DCAF1: variants seen among roughly 807,000 people sequenced by gnomAD.
DCAF1 encodes DDB1 and CUL4 associated factor 1.
A neutral mutation model predicts 128.0 loss-of-function variants in DCAF1; 15 were observed. The observed-to-expected ratio is 0.12, with a 90% confidence interval of 0.08 to 0.18. The LOEUF is 0.18. DCAF1 is among the 10% of genes least tolerant of loss of function. DCAF1 has a pLI of 1.00. For missense variants in DCAF1, 988 were observed against 1,649.5 expected (o/e 0.60, Z 6.95); for synonymous variants, 610 against 603.0 (o/e 1.01, Z -0.17).
rs934948916 is a variant in DCAF1, at chr3:51,486,965, C to A, written c.-8-3129G>T. Among the ~76,000 whole-genome samples, 4 of 143,372 alleles carry A rather than the reference C, an allele frequency of 2.8e-5. No homozygotes were observed. The East Asian group carries it at 6.5e-4, about 23-fold the overall frequency. 94.1% of individuals were successfully genotyped at this position (143,372 alleles called of 152,430 possible). A position where few individuals can be genotyped will look rare whatever the true frequency, so the allele number is the denominator to read the frequency against. ...TATATTTTTAAAACAAACTTTTTTT[C>A]TTTTCTTTTCTTTTTTTTTTTAAGA... On this transcript the variant is annotated intron_variant, in intron 2 of 24. Transcript: ENST00000684031.
At chr3:51,402,489 C>T (rs1330076481) in intron 24 of DCAF1, among the ~76,000 whole-genome samples, 1 of 150,768 alleles carries the variant, frequency 6.6e-6, no homozygotes, top group Non-Finnish European at 1.5e-5. Context: ...CATTCATTTA[C>T]GGATTGTCTA....
intron 15 of DCAF1, 84 bp downstream of exon 15, chr3:51,419,650 G>A: frequency 6.6e-7 from 1 of 1,511,586 alleles, no homozygotes; most frequent in Non-Finnish European, 8.8e-7. Flanking sequence ...GGTATTTCAG[G>A]ACAACTATGC....
At position 51,466,892 on chromosome 3, in the gene DCAF1, G is replaced by T; in HGVS notation, c.188-16C>A. 1.2e-6 allele frequency: 2 copies of T among 1,612,880 alleles called. No homozygotes were observed. Among genetic ancestry groups the T allele is most frequent in the Non-Finnish European group, 1.7e-6 (2 of 1,179,168 alleles). ...TCAGCTCGACCTACCAAGAGAAGAG[G>T]GGAGGAACAAACAAAGGAATGAGTA... On this transcript the variant is annotated splice_polypyrimidine_tract_variant and intron_variant, in intron 4 of 24. Coordinates refer to ENST00000684031, the MANE Select transcript of DCAF1 (RefSeq NM_001387579.1).
chr3:51,406,849 G>A (rs1395667563), intron 23 of DCAF1, among the ~76,000 whole-genome samples: 1 of 152,146 alleles, frequency 6.6e-6, no homozygotes, highest in Non-Finnish European at 1.5e-5. Context: ...AAGAGGTTCA[G>A]TTCTCCCAAA....
At chr3:51,463,971 CAGCCTCCCAAGT>C (rs1703876438) in intron 5 of DCAF1, among the ~76,000 whole-genome samples, 1 of 152,102 alleles carries the variant, frequency 6.6e-6, no homozygotes, top group African/African-American at 2.4e-5. Context: ...CCTCCAGCTT[CAGCCTCCCAAGT>C]AGCTGGGACC....
At chr3:51,468,792 T>G (rs563413515) in intron 4 of DCAF1, among the ~76,000 whole-genome samples, 2 of 152,328 alleles carry the variant, frequency 1.3e-5, no homozygotes, top group East Asian at 1.9e-4. Context: ...AGGAAAAAAT[T>G]GCTTTGTAAG....
At chr3:51,471,941 C>T (rs1181447566) in intron 3 of DCAF1, among the ~76,000 whole-genome samples, 4 of 152,108 alleles carry the variant, frequency 2.6e-5, no homozygotes, top group African/African-American at 7.2e-5. Flanking sequence ...AAGGTACTTC[C>T]TGACTCACAT....
At chr3:51,451,048 G>C (rs889583330) in intron 6 of DCAF1, among the ~76,000 whole-genome samples, 1 of 94,830 alleles carries the variant, frequency 1.1e-5, no homozygotes, top group South Asian at 4.0e-4. Context: ...CACTAGCAAT[G>C]AACAATATAA....
At chr3:51,476,572 CAAAAAAAAAAA>C (rs11359977) in intron 3 of DCAF1, among the ~76,000 whole-genome samples, 2 of 49,636 alleles carry the variant, frequency 4.0e-5, no homozygotes, top group Non-Finnish European at 7.3e-5. Context: ...AATTATATCT[CAAAAAAAAAAA>C]AAAAAAAAAA....
chr3:51,424,755 G>GA (rs1334188916), intron 13 of DCAF1, among the ~76,000 whole-genome samples: 9 of 152,104 alleles, frequency 5.9e-5, no homozygotes, highest in Non-Finnish European at 1.2e-4. Context: ...ATGAACTTAG[G>GA]AAAATATTTA....
rs1347303502 is a variant in DCAF1 at position 51,441,841 on chromosome 3, C to A, written c.570G>T (p.Arg190=). The A allele has an allele frequency of 6.2e-7, 1 of 1,612,966 alleles. No individual in the cohort carries two copies. Among genetic ancestry groups the A allele is most frequent in the African/African-American group, 1.3e-5 (1 of 74,916 alleles). ...RELQLQEVAL[R]QENKRPSPRK... Reference sequence around the variant, plus strand: ...GTGGACTGGGACGCTTGTTTTCCTGCCGCAAAGCCACTTCCTGTAGCTGTA... The same window carrying A: ...GTGGACTGGGACGCTTGTTTTCCTGACGCAAAGCCACTTCCTGTAGCTGTA... The change falls in exon 8 of 25, where the codon CGG becomes CGT. Residue 190 remains arginine (R), a synonymous_variant. Transcript: ENST00000684031.
intron 2 of DCAF1, among the ~76,000 whole-genome samples, chr3:51,493,551 G>C (rs1553659256): frequency 6.6e-6 from 1 of 152,092 alleles, no homozygotes; most frequent in Non-Finnish European, 1.5e-5. Context: ...TCCATCATCA[G>C]ATGAAGAGAT....
intron 3 of DCAF1, among the ~76,000 whole-genome samples, chr3:51,480,280 T>C (rs1238539861): frequency 4.0e-5 from 6 of 151,884 alleles, no homozygotes; most frequent in Non-Finnish European, 7.4e-5. Context: ...ATACCAAGTG[T>C]AAAGGCACAA....
chr3:51,481,101 C>T (rs1706136727), intron 3 of DCAF1, among the ~76,000 whole-genome samples: 1 of 152,110 alleles, frequency 6.6e-6, no homozygotes, highest in African/African-American at 2.4e-5. Context: ...AATATCATAG[C>T]TGTGAAAACA....
At chr3:51,505,052 G>C in the DCAF1 span, among the ~76,000 whole-genome samples, 2 of 151,954 alleles carry the variant, frequency 1.3e-5, no homozygotes, top group Non-Finnish European at 2.9e-5. Flanking sequence ...ACCTGAGGTC[G>C]AGAGTTCGAG....
chr3:51,407,067 C>T (rs1299575018), intron 23 of DCAF1, among the ~76,000 whole-genome samples: 1 of 148,154 alleles, frequency 6.7e-6, no homozygotes, highest in Non-Finnish European at 1.5e-5. Flanking sequence ...TGGCACATGC[C>T]TTTAGTCCCA....
chr3:51,441,442 A>G lies in DCAF1; in HGVS notation c.969T>C (p.Pro323=). 6.2e-7 allele frequency: 1 copy of G among 1,613,984 alleles called. No homozygotes were observed. The highest frequency in any genetic ancestry group is 8.5e-7 in the Non-Finnish European group (1 of 1,179,890). The change falls in exon 8 of 25, where the codon CCT becomes CCC. Residue 323 remains proline (P), a synonymous_variant. Coordinates refer to ENST00000684031, the MANE Select transcript of DCAF1 (RefSeq NM_001387579.1). ...GTNYTLYPMT[P]AIEQRLILQY... ...GGAGAATGAGTCGCTGCTCGATAGC[A>G]GGAGTCATAGGATAAAGGGTATAAT...
At chr3:51,492,732 TG>T (rs1266860988) in intron 2 of DCAF1, among the ~76,000 whole-genome samples, 1 of 152,128 alleles carries the variant, frequency 6.6e-6, no homozygotes, top group Non-Finnish European at 1.5e-5. Flanking sequence ...CGGTGGCTCA[TG>T]CTTGCAATCT....
rs79017572 is a variant in DCAF1 at position 51,416,456 on chromosome 3, T to C, written c.3603+331A>G. Among the ~76,000 whole-genome samples the C allele has an allele frequency of 1.3e-4, 20 of 152,342 alleles. No homozygotes were observed. The East Asian group carries it at 3.9e-3, about 29-fold the overall frequency. On this transcript the variant is annotated intron_variant, in intron 18 of 24. Coordinates refer to ENST00000684031, the MANE Select transcript of DCAF1 (RefSeq NM_001387579.1). ...CCTGCTTTCATTTTCTCTGAAACAC[T>C]TACCACCTAAATTTACCGTATATTT...
Sources: allele counts gnomAD v4.1 joint callset (sites outside exome capture counted in the v4.1 genomes callset), GRCh38; gene constraint gnomAD v4.1.1; transcripts MANE v1.5; gene names NCBI Gene and HGNC (gene_info 2026-07-23, HGNC 2026-07-21).